SEMA6D: variants seen among roughly 807,000 people sequenced by gnomAD.
The protein encoded by SEMA6D is semaphorin 6D, also known as semaphorin-6D.
A neutral mutation model predicts 106.6 loss-of-function variants in SEMA6D; 35 were observed. The ratio of observed to expected loss-of-function variants is 0.33; its 90% CI spans 0.25 to 0.44. SEMA6D has a LOEUF of 0.44. Among genes scored for constraint, SEMA6D ranks in the 20% least tolerant of loss-of-function variants. SEMA6D has a pLI of 1.00. For synonymous variants in SEMA6D, 499 were observed against 487.7 expected (o/e 1.02, Z -0.31); for missense variants, 1,185 against 1,345.9 (o/e 0.88, Z 1.87).
At chr15:47,318,937 CT>C (rs1566994836) in intron 1 of SEMA6D, among the ~76,000 whole-genome samples, 2 of 152,012 alleles carry the variant, frequency 1.3e-5, no homozygotes, top group Non-Finnish European at 2.9e-5. Context: ...CTGTTGTTTC[CT>C]GACATTTTAA....
At chr15:47,284,669 G>T (rs1467961070) in intron 1 of SEMA6D, among the ~76,000 whole-genome samples, 2 of 152,128 alleles carry the variant, frequency 1.3e-5, no homozygotes, top group Admixed American at 1.3e-4. Context: ...GTCTGCCATG[G>T]CATTCTATTG....
intron 3 of SEMA6D, among the ~76,000 whole-genome samples, chr15:47,599,465 A>C (rs949367725): frequency 2.0e-5 from 3 of 151,608 alleles, no homozygotes; most frequent in African/African-American, 4.8e-5. Context: ...TTTTTTCTCA[A>C]AAAGTAGATG....
chr15:47,334,639 T>C lies in SEMA6D; in HGVS notation c.-238-77754T>C, dbSNP rs546153646. ...CATGGTTTGAGTTTTTCCTACACAA[T>C]TGGTGTCAAAAGTGGGATTTGCTAG... On this transcript the variant is annotated intron_variant, in intron 1 of 19. Coordinates refer to the SEMA6D transcript ENST00000558014. Among the ~76,000 whole-genome samples the C allele has an allele frequency of 4.6e-5, 7 of 152,264 alleles. No individual in the cohort carries two copies. The South Asian group carries it at 1.4e-3, about 32-fold the overall frequency.
intron 4 of SEMA6D, among the ~76,000 whole-genome samples, chr15:47,707,068 T>C (rs2078926317): frequency 6.6e-6 from 1 of 152,236 alleles, no homozygotes; most frequent in Admixed American, 6.5e-5. Flanking sequence ...TTTATTGTTA[T>C]AGCATTTTAT....
chr15:47,253,226 C>T (rs1320629179), intron 1 of SEMA6D, among the ~76,000 whole-genome samples: 2 of 152,036 alleles, frequency 1.3e-5, no homozygotes, highest in Admixed American at 6.5e-5. Flanking sequence ...TGCTATTGAG[C>T]TTTTTGAGGT....
At chr15:47,479,459 G>A (rs1390347537) in intron 3 of SEMA6D, among the ~76,000 whole-genome samples, 1 of 152,084 alleles carries the variant, frequency 6.6e-6, no homozygotes, top group Admixed American at 6.6e-5. Context: ...TGATACATAA[G>A]AACACTGCTA....
At chr15:47,417,851 G>A (rs1300952672) in intron 2 of SEMA6D, among the ~76,000 whole-genome samples, 1 of 149,210 alleles carries the variant, frequency 6.7e-6, no homozygotes, top group African/African-American at 2.5e-5. Context: ...TTCATTCATT[G>A]AACAAATTAT....
intron 1 of SEMA6D, among the ~76,000 whole-genome samples, chr15:47,724,334 G>T (rs1460685124): frequency 6.6e-6 from 1 of 152,228 alleles, no homozygotes; most frequent in East Asian, 1.9e-4. Flanking sequence ...GCCCAAAGAG[G>T]AGCATCACAC....
chr15:47,728,512 T>C (rs1204250398), intron 1 of SEMA6D, among the ~76,000 whole-genome samples: 2 of 152,230 alleles, frequency 1.3e-5, no homozygotes, highest in African/African-American at 4.8e-5. Flanking sequence ...ATATCAGCCT[T>C]TTGGGGCACT....
At chr15:47,288,647 C>T (rs774247486) in intron 1 of SEMA6D, among the ~76,000 whole-genome samples, 2 of 152,054 alleles carry the variant, frequency 1.3e-5, no homozygotes, top group African/African-American at 2.4e-5. Context: ...TGCATGAATT[C>T]ATGCATGAAT....
At chr15:47,646,245 A>G (rs1402925256) in intron 4 of SEMA6D, among the ~76,000 whole-genome samples, 1 of 152,112 alleles carries the variant, frequency 6.6e-6, no homozygotes, top group Non-Finnish European at 1.5e-5. Context: ...ATTAGCATAC[A>G]AAAGATATTC....
At chr15:47,457,212 T>C (rs1425545867) in intron 2 of SEMA6D, among the ~76,000 whole-genome samples, 1 of 151,998 alleles carries the variant, frequency 6.6e-6, no homozygotes, top group African/African-American at 2.4e-5. Context: ...AATAATTTAT[T>C]TGGGTTTCAG....
chr15:47,771,873 C>A lies in SEMA6D; in HGVS notation c.*88C>A, dbSNP rs997026440. On this transcript the variant is annotated 3_prime_UTR_variant, in exon 19 of 19. Coordinates refer to ENST00000536845, the MANE Select transcript of SEMA6D (RefSeq NM_001358351.3). ...TAAGGGTACCTTAAAACAAGAGACT[C>A]GCTTGTATTTTAAGAGAACCAAGTG... 5 of 1,345,024 alleles carry A rather than the reference C, an allele frequency of 3.7e-6. No homozygotes were observed. Among genetic ancestry groups the A allele is most frequent in the Non-Finnish European group, 5.1e-6 (5 of 979,390 alleles). The allele number at this position is 1,345,024 out of a possible 1,614,324, so 83.3% of individuals were successfully genotyped here.
chr15:47,244,480 C>T (rs1165442015), intron 1 of SEMA6D, among the ~76,000 whole-genome samples: 1 of 152,156 alleles, frequency 6.6e-6, no homozygotes, highest in Non-Finnish European at 1.5e-5. Flanking sequence ...GATATGATCT[C>T]ATTTAATCCT....
intron 3 of SEMA6D, among the ~76,000 whole-genome samples, chr15:47,495,048 T>C (rs990976472): frequency 2.2e-4 from 33 of 151,464 alleles, no homozygotes; most frequent in African/African-American, 7.2e-4. Context: ...CAATGGACAG[T>C]CAATAAAAAT....
chr15:47,305,077 A>G (rs559447437), intron 1 of SEMA6D, among the ~76,000 whole-genome samples: 52 of 152,326 alleles, frequency 3.4e-4, no homozygotes, highest in African/African-American at 1.3e-3. Flanking sequence ...TGGGTTTCTT[A>G]TTAAAAACGT....
chr15:47,665,655 C>A (rs905799888), intron 4 of SEMA6D, among the ~76,000 whole-genome samples: 2 of 152,066 alleles, frequency 1.3e-5, no homozygotes, highest in Non-Finnish European at 2.9e-5. Flanking sequence ...ACTAAAAATA[C>A]AAAAATTAGC....
chr15:47,733,495 A>G (rs1209331376), intron 1 of SEMA6D, among the ~76,000 whole-genome samples: 1 of 152,160 alleles, frequency 6.6e-6, no homozygotes, highest in Non-Finnish European at 1.5e-5. Context: ...AACTTCACTC[A>G]GGCTTCATTG....
intron 1 of SEMA6D, among the ~76,000 whole-genome samples, chr15:47,207,991 GCGCACACACACACACACACACACACACA>G (rs1396593465): frequency 4.8e-4 from 59 of 122,988 alleles, no homozygotes; most frequent in African/African-American, 1.1e-3. Flanking sequence ...ACTGGCGCGC[GCGCACACACACACACACACACACACACA>G]CACACACACA....
Sources: gnomAD v4.1 joint callset for allele counts (sites outside exome capture counted in the v4.1 genomes callset) on GRCh38, gnomAD v4.1.1 for gene constraint, MANE v1.5 for transcripts, NCBI Gene and HGNC (gene_info 2026-07-23, HGNC 2026-07-21) for gene names.